Variants in CAMTA1 observed in about 807,000 individuals in gnomAD.
CAMTA1 encodes the protein calmodulin-binding transcription activator 1.
A neutral mutation model predicts 170.9 loss-of-function variants in CAMTA1; 27 were observed. The observed-to-expected ratio is 0.16, with a 90% CI of 0.12 to 0.22. The LOEUF (loss-of-function observed/expected upper bound fraction) is 0.22, where lower values mean the gene tolerates loss of function less well. Ranked by LOEUF, CAMTA1 falls within the 10% of genes least tolerant of loss-of-function variation. CAMTA1 has a pLI of 1.00. For missense variants in CAMTA1, 1,619 were observed against 2,217.2 expected (o/e 0.73, Z 5.42); for synonymous variants, 833 against 891.5 (o/e 0.93, Z 1.17).
chr1:7,523,894 T>C, intron 6 of CAMTA1, among the ~76,000 whole-genome samples: 1 of 124,500 alleles, frequency 8.0e-6, no homozygotes, highest in South Asian at 2.6e-4. Flanking sequence ...AAAAAAAAAA[T>C]AATAATAATA....
chr1:7,697,402 G>A (rs900904555), intron 11 of CAMTA1, among the ~76,000 whole-genome samples: 13 of 152,184 alleles, frequency 8.5e-5, no homozygotes, highest in African/African-American at 2.7e-4. Context: ...GTGTCACACC[G>A]CTGGGGATTC....
intron 5 of CAMTA1, among the ~76,000 whole-genome samples, chr1:7,393,754 A>G (rs1557644633): frequency 6.6e-6 from 1 of 152,190 alleles, no homozygotes; most frequent in East Asian, 1.9e-4. Context: ...ATAGAATACA[A>G]TATTGTTAAC....
Position 7,338,765 on chromosome 1 carries a change from G to A in CAMTA1, c.438+89139G>A, listed in dbSNP as rs184857466. 1.4e-3 allele frequency among the ~76,000 whole-genome samples: 207 copies of A among 152,344 alleles called. 1 individual carries two copies. Among genetic ancestry groups the A allele is most frequent in the African/African-American group, 4.7e-3 (197 of 41,586 alleles). On this transcript the variant is annotated intron_variant, in intron 5 of 22. Coordinates refer to ENST00000303635, the MANE Select transcript of CAMTA1 (RefSeq NM_015215.4). ...AACGCCACCAAAACATGCACTTAAC[G>A]GTGGTTAAAATGGTGAATTTTATGT...
intron 7 of CAMTA1, among the ~76,000 whole-genome samples, chr1:7,655,117 T>TACAC (rs568780846): frequency 1.8e-5 from 2 of 110,236 alleles, no homozygotes; most frequent in African/African-American, 8.0e-5. Context: ...CACACACCTA[T>TACAC]ACACACACCT....
At chr1:7,384,779 G>A (rs558472292) in intron 5 of CAMTA1, among the ~76,000 whole-genome samples, 6 of 152,228 alleles carry the variant, frequency 3.9e-5, no homozygotes, top group Admixed American at 1.3e-4. Flanking sequence ...GCAGAGCTGC[G>A]GCTTTGGAGA....
At chr1:6,977,076 A>G (rs913708665) in intron 3 of CAMTA1, among the ~76,000 whole-genome samples, 25 of 152,276 alleles carry the variant, frequency 1.6e-4, no homozygotes, top group African/African-American at 5.8e-4. Context: ...TAAATTATCC[A>G]GTCTCGGGTC....
At chr1:6,924,730 C>T (rs1021326786) in intron 3 of CAMTA1, among the ~76,000 whole-genome samples, 4 of 152,178 alleles carry the variant, frequency 2.6e-5, no homozygotes, top group African/African-American at 4.8e-5. Context: ...TTAAAAAATG[C>T]GAGCTAAGTT....
chr1:7,733,550 A>C (rs2096749467), intron 12 of CAMTA1, among the ~76,000 whole-genome samples: 1 of 152,168 alleles, frequency 6.6e-6, no homozygotes, highest in African/African-American at 2.4e-5. Flanking sequence ...GGCTTTATAT[A>C]CATTTCATTT....
At chr1:7,457,634 A>G (rs2092990309) in intron 5 of CAMTA1, among the ~76,000 whole-genome samples, 1 of 152,118 alleles carries the variant, frequency 6.6e-6, no homozygotes. Flanking sequence ...CCAGCTTGCA[A>G]AAGGGCCTAT....
chr1:7,396,773 T>G (rs2089343525), intron 5 of CAMTA1, among the ~76,000 whole-genome samples: 2 of 152,162 alleles, frequency 1.3e-5, no homozygotes, highest in African/African-American at 4.8e-5. Context: ...TTGTCCTTGA[T>G]TATGTTAATG....
rs114167180 is a variant in CAMTA1 at position 7,529,575 on chromosome 1, G to A, written c.510+61674G>A. ...AAGTGAAGGATCTAGGATTTGCACC[G>A]TGCAGGCAGGCCCCGAGTCCACGTT... On this transcript the variant is annotated intron_variant, in intron 6 of 22. Transcript: ENST00000303635. Among the ~76,000 whole-genome samples, 1,129 of 152,238 alleles carry A rather than the reference G, an allele frequency of 7.4e-3. 15 individuals are homozygous for A. Among genetic ancestry groups the A allele is most frequent in the African/African-American group, 0.026 (1,081 of 41,530 alleles).
At chr1:7,043,032 G>A (rs183425308) in intron 3 of CAMTA1, among the ~76,000 whole-genome samples, 32 of 152,176 alleles carry the variant, frequency 2.1e-4, no homozygotes, top group Non-Finnish European at 4.3e-4. Context: ...GTGCTGCAGT[G>A]TGCTCTGGGG....
At chr1:7,450,372 A>T (rs979052833) in intron 5 of CAMTA1, among the ~76,000 whole-genome samples, 5 of 152,178 alleles carry the variant, frequency 3.3e-5, no homozygotes, top group Non-Finnish European at 5.9e-5. Flanking sequence ...AATCCAGAAC[A>T]CAGAAAGTGT....
rs1700293960 is a variant in CAMTA1, at chr1:7,014,754, A to T, written c.235-76550A>T. ...GACTCAGCCGAGGGGGCCAGTCTAG[A>T]GGTTACACATTCTGAGCTACCTTTC... On this transcript the variant is annotated intron_variant, in intron 3 of 22. Coordinates refer to ENST00000303635, the MANE Select transcript of CAMTA1 (RefSeq NM_015215.4). The surrounding 1 kb of genome is among the most constrained non-coding windows in gnomAD (Gnocchi z 4.2). Among the ~76,000 whole-genome samples the T allele has an allele frequency of 3.3e-5, 5 of 152,144 alleles. No homozygotes were observed. Among genetic ancestry groups the T allele is most frequent in the African/African-American group, 1.2e-4 (5 of 41,502 alleles).
intron 4 of CAMTA1, among the ~76,000 whole-genome samples, chr1:7,112,762 AG>A (rs1644139597): frequency 6.6e-6 from 1 of 152,174 alleles, no homozygotes; most frequent in Admixed American, 6.5e-5. Context: ...TGTGTGTCTC[AG>A]GGGCCCTGGG....
chr1:7,167,979 C>T (rs921663038), intron 4 of CAMTA1, among the ~76,000 whole-genome samples: 1 of 152,086 alleles, frequency 6.6e-6, no homozygotes, highest in African/African-American at 2.4e-5. Flanking sequence ...AAATTTCTGG[C>T]TTCAAACAAT....
At chr1:7,232,040 C>T (rs1017693083) in intron 4 of CAMTA1, among the ~76,000 whole-genome samples, 10 of 152,206 alleles carry the variant, frequency 6.6e-5, no homozygotes, top group African/African-American at 1.9e-4. Flanking sequence ...CTGGGAGACA[C>T]CACCCATCGG....
In CAMTA1 at chr1:7,740,430, C is replaced by T. The variant is rs192436957; in HGVS notation, c.4182+1948C>T. ...GTTTTACACAATTCCTGATGGAACC[C>T]ACACCAGACACCAAAACTGAGCAAT... On this transcript the variant is annotated intron_variant, in intron 16 of 22. Transcript: ENST00000303635. Among the ~76,000 whole-genome samples, 3 of 152,302 alleles carry T rather than the reference C, an allele frequency of 2.0e-5. No homozygotes were observed. The East Asian group carries it at 5.8e-4, about 29-fold the overall frequency.
At chr1:7,604,840 A>T (rs1239115658) in intron 6 of CAMTA1, among the ~76,000 whole-genome samples, 2 of 152,060 alleles carry the variant, frequency 1.3e-5, no homozygotes, top group Admixed American at 6.6e-5. Context: ...GATCATGGTG[A>T]CGTACAGATG....
Sources: allele counts gnomAD v4.1 joint callset (sites outside exome capture counted in the v4.1 genomes callset), GRCh38; gene constraint gnomAD v4.1.1; non-coding constraint Gnocchi (gnomAD v3.1); transcripts MANE v1.5; gene names NCBI Gene and HGNC (gene_info 2026-07-23, HGNC 2026-07-21).